The following NDUFAF2 variants were observed in gnomAD, a reference collection of about 807,000 sequenced individuals.
The protein encoded by NDUFAF2 is NADH dehydrogenase [ubiquinone] 1 alpha subcomplex assembly factor 2.
In NDUFAF2, 13 loss-of-function variants were observed where a neutral mutation model predicts 22.8. The ratio of observed to expected loss-of-function variants is 0.57; its 90% CI spans 0.37 to 0.91. NDUFAF2 has a LOEUF of 0.91. Ranked by LOEUF, NDUFAF2 falls within the 40% of genes least tolerant of loss-of-function variation. The pLI, the probability that NDUFAF2 is intolerant of heterozygous loss-of-function variation, is 0.01. For synonymous variants in NDUFAF2, 53 were observed against 64.2 expected (o/e 0.83, Z 0.84); for missense variants, 162 against 195.2 (o/e 0.83, Z 1.01).
intron 1 of NDUFAF2, among the ~76,000 whole-genome samples, chr5:61,061,471 C>T (rs545597552): frequency 6.6e-6 from 1 of 152,188 alleles, no homozygotes; most frequent in South Asian, 2.1e-4. Flanking sequence ...CCTTTAGACT[C>T]TTCATAATTA....
chr5:61,120,489 T>C (rs542354397), intron 3 of NDUFAF2, among the ~76,000 whole-genome samples: 1 of 152,292 alleles, frequency 6.6e-6, no homozygotes, highest in East Asian at 1.9e-4. Flanking sequence ...GTTTCTTACA[T>C]ACTTCTATAC....
intron 1 of NDUFAF2, among the ~76,000 whole-genome samples, chr5:61,045,887 G>A (rs1351231017): frequency 1.3e-5 from 2 of 152,050 alleles, no homozygotes; most frequent in Admixed American, 6.6e-5. Flanking sequence ...GGGTATTTTT[G>A]TCTTGCTCCA....
chr5:61,104,782 G>A (rs528472313), intron 3 of NDUFAF2, among the ~76,000 whole-genome samples: 1 of 152,154 alleles, frequency 6.6e-6, no homozygotes, highest in Admixed American at 6.6e-5. Context: ...AAAAAAACAG[G>A]AGACTGCTTG....
chr5:61,054,849 CA>C (rs1161517509), intron 1 of NDUFAF2, among the ~76,000 whole-genome samples: 2 of 152,118 alleles, frequency 1.3e-5, no homozygotes, highest in Non-Finnish European at 2.9e-5. Flanking sequence ...TTGCTTTAAA[CA>C]AAAGTTTATG....
intron 3 of NDUFAF2, among the ~76,000 whole-genome samples, chr5:61,102,306 G>A (rs1163222960): frequency 6.6e-6 from 1 of 152,104 alleles, no homozygotes; most frequent in African/African-American, 2.4e-5. Context: ...TATCTAGACA[G>A]TATGATACTG....
At chr5:61,008,803 G>A (rs1341401981) in intron 1 of NDUFAF2, among the ~76,000 whole-genome samples, 1 of 151,978 alleles carries the variant, frequency 6.6e-6, no homozygotes, top group African/African-American at 2.4e-5. Flanking sequence ...TTCCATAGAG[G>A]CAGATCATTT....
At chr5:61,106,026 T>TA (rs1752758718) in intron 3 of NDUFAF2, among the ~76,000 whole-genome samples, 1 of 151,434 alleles carries the variant, frequency 6.6e-6, no homozygotes. Flanking sequence ...AAGCTCGCAC[T>TA]AAAAACAATG....
At chr5:61,127,899 T>C (rs978994516) in intron 3 of NDUFAF2, among the ~76,000 whole-genome samples, 4 of 152,136 alleles carry the variant, frequency 2.6e-5, no homozygotes, top group Admixed American at 1.3e-4. Context: ...AAAACCCCAT[T>C]GTCTCAGCCC....
rs540785490 is a variant in NDUFAF2 at position 60,975,252 on chromosome 5, C to T, written c.127+29870C>T. On this transcript the variant is annotated intron_variant, in intron 1 of 3. Coordinates refer to ENST00000296597, the MANE Select transcript of NDUFAF2 (RefSeq NM_174889.5). ...TGTTACGACACTCCAATTTATTTGG[C>T]CGTCATTACCTAGGCTTGCTGTTAT... 2.6e-5 allele frequency among the ~76,000 whole-genome samples: 4 copies of T among 151,892 alleles called. No homozygotes were observed. The South Asian group carries it at 8.3e-4, about 32-fold the overall frequency.
In NDUFAF2 at chr5:61,111,916, C is replaced by A. The variant is rs144488114; in HGVS notation, c.258+12884C>A. On this transcript the variant is annotated intron_variant, in intron 3 of 3. Transcript: ENST00000296597. The stretch of plus-strand genomic sequence containing the variant: ...TACAGGTGTGAGCCACCGTGCCCAG[C>A]CTAGTTTTTTTGTATTTTTTGTAGT... 8.5e-3 allele frequency among the ~76,000 whole-genome samples: 1,291 copies of A among 151,894 alleles called. 21 individuals are homozygous for A. The highest frequency in any genetic ancestry group is 0.03 in the African/African-American group (1,236 of 41,416).
intron 3 of NDUFAF2, among the ~76,000 whole-genome samples, chr5:61,133,896 C>T (rs1354943442): frequency 6.6e-6 from 1 of 152,244 alleles, no homozygotes. Flanking sequence ...CAGCATAATA[C>T]ATACACTTTT....
At chr5:61,004,975 G>A (rs938156066) in intron 1 of NDUFAF2, among the ~76,000 whole-genome samples, 5 of 151,272 alleles carry the variant, frequency 3.3e-5, no homozygotes, top group Non-Finnish European at 7.4e-5. Context: ...TCTAGGGTAC[G>A]TGTGCACAAT....
At chr5:61,005,794 T>A (rs1031109962) in intron 1 of NDUFAF2, among the ~76,000 whole-genome samples, 2 of 152,140 alleles carry the variant, frequency 1.3e-5, no homozygotes, top group African/African-American at 2.4e-5. Flanking sequence ...GGTTGTTTGA[T>A]TTTTTCTTGT....
chr5:60,968,921 GT>G (rs1750792806), intron 1 of NDUFAF2, among the ~76,000 whole-genome samples: 1 of 151,874 alleles, frequency 6.6e-6, no homozygotes, highest in Non-Finnish European at 1.5e-5. Flanking sequence ...GAATTCAGTT[GT>G]TTTAATTTTT....
intron 1 of NDUFAF2, among the ~76,000 whole-genome samples, chr5:60,964,378 A>G (rs1291022992): frequency 6.6e-6 from 1 of 151,990 alleles, no homozygotes; most frequent in East Asian, 1.9e-4. Context: ...TAATTAACAT[A>G]TGTATTACCT....
chr5:61,150,678 A>G (rs1017600370), intron 3 of NDUFAF2, among the ~76,000 whole-genome samples: 5 of 152,288 alleles, frequency 3.3e-5, no homozygotes, highest in South Asian at 4.1e-4. Context: ...ATTATACAAA[A>G]TCCAAGCAAG....
At chr5:60,963,136 G>A (rs1341771325) in intron 1 of NDUFAF2, among the ~76,000 whole-genome samples, 1 of 152,010 alleles carries the variant, frequency 6.6e-6, no homozygotes. Flanking sequence ...CACCTGCCCT[G>A]GCCTCCCAAA....
intron 1 of NDUFAF2, among the ~76,000 whole-genome samples, chr5:60,988,153 G>T (rs762624587): frequency 1.4e-4 from 21 of 152,174 alleles, no homozygotes; most frequent in African/African-American, 4.8e-4. Context: ...GTGAAGAGCC[G>T]TATCAGGAAT....
chr5:61,108,055 A>G (rs1034662511), intron 3 of NDUFAF2, among the ~76,000 whole-genome samples: 4 of 150,364 alleles, frequency 2.7e-5, no homozygotes, highest in African/African-American at 1.0e-4. Flanking sequence ...GCTGCATAGT[A>G]TTCCATGGTG....
Sources: gnomAD v4.1 joint callset for allele counts (sites outside exome capture counted in the v4.1 genomes callset) on GRCh38, gnomAD v4.1.1 for gene constraint, MANE v1.5 for transcripts, NCBI Gene and HGNC (gene_info 2026-07-23, HGNC 2026-07-21) for gene names.